CENPO: variants seen among roughly 807,000 people sequenced by gnomAD.
CENPO encodes the protein centromere protein O.
CENPO carries 30 observed loss-of-function variants against 36.1 expected under a neutral mutation model. That is an observed-to-expected ratio of 0.83 (90% confidence interval 0.62 to 1.13). CENPO has a LOEUF of 1.13. CENPO is among the 50% of genes most tolerant of loss of function. The pLI is 0.00. For missense variants in CENPO, 349 were observed against 357.8 expected (o/e 0.98, Z 0.20); for synonymous variants, 171 against 142.3 (o/e 1.20, Z -1.44).
At chr2:24,815,370 C>G (rs1383400496) in intron 4 of CENPO, 127 bp from the exon 5 acceptor site, 20 of 726,786 alleles carry the variant, frequency 2.8e-5, no homozygotes, top group Non-Finnish European at 4.4e-5. Flanking sequence ...GCCTATGATA[C>G]TCATTGAACA....
intron 3 of CENPO, among the ~76,000 whole-genome samples, chr2:24,802,764 A>T (rs905522333): frequency 6.6e-6 from 1 of 152,228 alleles, no homozygotes; most frequent in Non-Finnish European, 1.5e-5. Context: ...ATCGACGTTC[A>T]TCAGGGATAT....
At position 24,799,810 on chromosome 2, in the gene CENPO, A is replaced by C. The variant is rs927751001; in HGVS notation, c.182A>C (p.Glu61Ala). Residue 61 changes from glutamate (E) to alanine (A), a missense_variant, in exon 3 of 8, where the codon GAG (glutamate) becomes GCG (alanine). By Grantham distance (107) the Glu-to-Ala change is moderately radical. Coordinates refer to ENST00000380834, the MANE Select transcript of CENPO (RefSeq NM_001322101.2). Reference protein sequence around the residue: ...KIHKLRRLRDELRAVVRHRRA... With the variant: ...KIHKLRRLRDALRAVVRHRRA... ...CATAAACTAAGGCGTCTGCGAGATGAGCTGAGGGCTGTGGTGCGGCACCGG... is the reference window on the plus strand; with the variant it reads ...CATAAACTAAGGCGTCTGCGAGATGCGCTGAGGGCTGTGGTGCGGCACCGG... 1.7e-5 allele frequency: 28 copies of C among 1,613,524 alleles called. No individual in the cohort carries two copies. The highest frequency in any genetic ancestry group is 2.4e-5 in the Non-Finnish European group (28 of 1,180,010).
chr2:24,818,756 C>T (rs1010051586), intron 7 of CENPO, among the ~76,000 whole-genome samples: 1 of 152,216 alleles, frequency 6.6e-6, no homozygotes, highest in Non-Finnish European at 1.5e-5. Flanking sequence ...AACCACGGGC[C>T]TCTGACCTGC....
At chr2:24,793,647 G>T (rs533441984) in intron 1 of CENPO, 146 bp downstream of exon 1, 2 of 1,304,102 alleles carry the variant, frequency 1.5e-6, no homozygotes, top group African/African-American at 3.0e-5. Context: ...GGAGCGCGCC[G>T]GGGCCGCGGG....
chr2:24,821,617 G>A lies in CENPO; in HGVS notation c.*2299G>A. On this transcript the variant is annotated 3_prime_UTR_variant, in exon 8 of 8. Coordinates refer to ENST00000380834, the MANE Select transcript of CENPO (RefSeq NM_001322101.2). Reference sequence around the variant, plus strand: ...CGGCCAGGTCAGCCAGGTGCTGCCAGCGCTCTCTCTCGGACTTGTCTTCCT... The same window carrying A: ...CGGCCAGGTCAGCCAGGTGCTGCCAACGCTCTCTCTCGGACTTGTCTTCCT... 1.2e-6 allele frequency: 2 copies of A among 1,614,160 alleles called. No homozygotes were observed. Among genetic ancestry groups the A allele is most frequent in the South Asian group, 1.1e-5 (1 of 91,086 alleles).
Position 24,822,279 on chromosome 2 carries a change from A to G in CENPO, c.*2961A>G, listed in dbSNP as rs1667868613. ...TTAGGGGGCCTGGCCACAGAACACA[A>G]CCATCTTAGGCCTGAGCTGTGAACA... On this transcript the variant is annotated 3_prime_UTR_variant, in exon 8 of 8. Coordinates refer to ENST00000380834, the MANE Select transcript of CENPO (RefSeq NM_001322101.2). 6.1e-6 allele frequency: 3 copies of G among 488,896 alleles called. No homozygotes were observed. The highest frequency in any genetic ancestry group is 1.1e-5 in the Non-Finnish European group (3 of 283,596). 30.3% of individuals were successfully genotyped at this position (488,896 alleles called of 1,614,324 possible). A position where few individuals can be genotyped will look rare whatever the true frequency, so the allele number is the denominator to read the frequency against.
chr2:24,821,491 G>A lies in CENPO; in HGVS notation c.*2173G>A, dbSNP rs776565887. On this transcript the variant is annotated 3_prime_UTR_variant, in exon 8 of 8. Transcript: ENST00000380834. ...CCTGCATGGGAAGGGAGCCTGCTGC[G>A]GGGCAGGCCAGCTGGGGGTGCTCAC... 2.7e-5 allele frequency: 44 copies of A among 1,611,924 alleles called. No homozygotes were observed. The highest frequency in any genetic ancestry group is 8.3e-5 in the Admixed American group (5 of 59,888).
intron 3 of CENPO, among the ~76,000 whole-genome samples, chr2:24,804,309 G>T (rs1421475141): frequency 6.6e-6 from 1 of 151,938 alleles, no homozygotes; most frequent in African/African-American, 2.4e-5. Flanking sequence ...TTTAATTGGA[G>T]CATTTAGTCT....
intron 3 of CENPO, among the ~76,000 whole-genome samples, chr2:24,800,540 G>T (rs1409134582): frequency 3.7e-5 from 5 of 135,658 alleles, no homozygotes; most frequent in East Asian, 2.2e-4. Flanking sequence ...TGTGTTCTCA[G>T]TGTTCAATTC....
In CENPO at chr2:24,820,300, T is replaced by TGGCG; in HGVS notation, c.*984_*985insCGGG. 7.7e-7 allele frequency: 1 copy of TGGCG among 1,302,612 alleles called. No individual in the cohort carries two copies. Among genetic ancestry groups the TGGCG allele is most frequent in the Non-Finnish European group, 9.9e-7 (1 of 1,013,398 alleles). The allele number at this position is 1,302,612 out of a possible 1,614,324, so 80.7% of individuals were successfully genotyped here. ...GAGCAGCGGGTGGGAAGGAGAACCCTGGAGTGACTGGCTGGGGGCCTCCTC... is the reference window on the plus strand; with the variant it reads ...GAGCAGCGGGTGGGAAGGAGAACCCTGGCGGGAGTGACTGGCTGGGGGCCTCCTC... On this transcript the variant is annotated 3_prime_UTR_variant, in exon 8 of 8. Transcript: ENST00000380834.
intron 3 of CENPO, among the ~76,000 whole-genome samples, chr2:24,811,492 C>T (rs543472123): frequency 5.1e-4 from 77 of 149,718 alleles, no homozygotes; most frequent in African/African-American, 1.9e-3. Context: ...GACGGAGTCT[C>T]GCTCTGTCGC....
chr2:24,816,376 C>T (rs1455990947), intron 5 of CENPO: 7 of 370,438 alleles, frequency 1.9e-5, no homozygotes, highest in East Asian at 4.6e-5. Context: ...AGCCGTGTAA[C>T]GTCAGTGAAG....
chr2:24,819,012 G>A (rs1202271370), intron 7 of CENPO, among the ~76,000 whole-genome samples: 1 of 152,226 alleles, frequency 6.6e-6, no homozygotes, highest in Non-Finnish European at 1.5e-5. Context: ...AAGAATAAAA[G>A]AGACAGGGCC....
Position 24,820,119 on chromosome 2 carries a change from A to G in CENPO, c.*801A>G. On this transcript the variant is annotated 3_prime_UTR_variant, in exon 8 of 8. Transcript: ENST00000380834. ...GACTTGGGTTTCTTCTACCACCTGG[A>G]GAGGGAGGGGGAGCAAGAACGTGGC... is the stretch of plus-strand genomic sequence containing the variant. 2 of 1,362,566 alleles carry G rather than the reference A, an allele frequency of 1.5e-6. No homozygotes were observed. Among genetic ancestry groups the G allele is most frequent in the South Asian group, 1.3e-5 (1 of 74,640 alleles). The allele number at this position is 1,362,566 out of a possible 1,614,324, so 84.4% of individuals were successfully genotyped here.
intron 7 of CENPO, among the ~76,000 whole-genome samples, chr2:24,818,363 T>C (rs1558384062): frequency 6.6e-6 from 1 of 152,038 alleles, no homozygotes; most frequent in Admixed American, 6.5e-5. Context: ...ATGAAGATAA[T>C]AAGGAAGACC....
chr2:24,793,542 G>A (rs377427842), intron 1 of CENPO, 41 bp downstream of exon 1: 265 of 1,531,930 alleles, frequency 1.7e-4, no homozygotes, highest in Non-Finnish European at 2.2e-4. Flanking sequence ...ACCCATTGTC[G>A]GACCGGACCG....
Position 24,820,723 on chromosome 2 carries a change from C to T in CENPO, c.*1405C>T. 1 of 1,614,034 alleles carries T rather than the reference C, an allele frequency of 6.2e-7. No individual in the cohort carries two copies. The highest frequency in any genetic ancestry group is 8.5e-7 in the Non-Finnish European group (1 of 1,179,940). ...CGTGCCAGCTGTGCCACTGGACATA[C>T]CTGAATGTTGCCCATGACCCCCGTG... On this transcript the variant is annotated 3_prime_UTR_variant, in exon 8 of 8. Coordinates refer to ENST00000380834, the MANE Select transcript of CENPO (RefSeq NM_001322101.2).
At chr2:24,812,086 C>A (rs1048146998) in intron 3 of CENPO, among the ~76,000 whole-genome samples, 2 of 152,140 alleles carry the variant, frequency 1.3e-5, no homozygotes, top group Non-Finnish European at 2.9e-5. Context: ...CCTTTTGGTA[C>A]TTCTTTTGGT....
At chr2:24,804,847 T>C (rs62140585) in intron 3 of CENPO, among the ~76,000 whole-genome samples, 4,346 of 152,242 alleles carry the variant, frequency 0.029, 89 homozygotes, top group Non-Finnish European at 0.042. Flanking sequence ...GCGTTCTCTG[T>C]AGTTCCTGAA....
Sources: allele counts gnomAD v4.1 joint callset (sites outside exome capture counted in the v4.1 genomes callset), GRCh38; gene constraint gnomAD v4.1.1; transcripts MANE v1.5; gene names NCBI Gene and HGNC (gene_info 2026-07-23, HGNC 2026-07-21).